The following TBC1D5 variants were observed in gnomAD, a reference collection of about 807,000 sequenced individuals.
TBC1D5 encodes the protein TBC1 domain family member 5, also known as TBC1 domain family, member 5.
In TBC1D5, 75 loss-of-function variants were observed where a neutral mutation model predicts 100.3. The ratio of observed to expected loss-of-function variants is 0.75; its 90% confidence interval spans 0.62 to 0.91. TBC1D5 has a LOEUF of 0.91. Among genes scored for constraint, TBC1D5 ranks in the 40% least tolerant of loss-of-function variants. The pLI, the probability that TBC1D5 is intolerant of heterozygous loss-of-function variation, is 0.00. For synonymous variants in TBC1D5, 323 were observed against 325.6 expected, an observed-to-expected ratio of 0.99 and a Z score of 0.09; for missense variants, 910 against 942.4, an observed-to-expected ratio of 0.97 and a Z score of 0.45.
intron 13 of TBC1D5, among the ~76,000 whole-genome samples, chr3:17,343,101 G>A (rs1319895866): frequency 6.6e-6 from 1 of 152,024 alleles, no homozygotes; most frequent in Non-Finnish European, 1.5e-5. Context: ...TTGGCTGTGG[G>A]TTTGTCATAG....
intron 13 of TBC1D5, among the ~76,000 whole-genome samples, chr3:17,343,451 G>A (rs913872597): frequency 6.7e-5 from 10 of 149,156 alleles, no homozygotes; most frequent in Non-Finnish European, 1.2e-4. Flanking sequence ...GTCTCTGCCC[G>A]GCTTTGGTAT....
intron 2 of TBC1D5, among the ~76,000 whole-genome samples, chr3:17,551,054 G>C (rs1411008179): frequency 6.6e-6 from 1 of 150,952 alleles, no homozygotes; most frequent in African/African-American, 2.4e-5. Flanking sequence ...AAATAGCTCT[G>C]TGTGTGTGTG....
rs2096316387 is a variant in TBC1D5 at position 17,538,975 on chromosome 3, A to G, written c.-35-30370T>C. Among the ~76,000 whole-genome samples, 3 of 152,300 alleles carry G rather than the reference A, an allele frequency of 2.0e-5. No homozygotes were observed. The South Asian group carries it at 6.2e-4, about 32-fold the overall frequency. On this transcript the variant is annotated intron_variant, in intron 2 of 21. Coordinates refer to ENST00000253692, the Ensembl canonical transcript of TBC1D5. ...GGCAGGTGGAACACTCGAGATCATA[A>G]GTTCAAGACCAGCCTGGCCAACATG...
intron 18 of TBC1D5, among the ~76,000 whole-genome samples, chr3:17,208,513 A>G (rs2072535224): frequency 6.6e-6 from 1 of 152,346 alleles, no homozygotes; most frequent in African/African-American, 2.4e-5. Context: ...ACACTATTTA[A>G]TAAAATAATA....
intron 1 of TBC1D5, among the ~76,000 whole-genome samples, chr3:17,669,287 G>A (rs1359564125): frequency 2.0e-5 from 3 of 152,138 alleles, no homozygotes; most frequent in African/African-American, 4.8e-5. Context: ...GGAACTAGGA[G>A]TAAATTAAAC....
At chr3:17,296,080 A>G (rs2082225605) in intron 14 of TBC1D5, among the ~76,000 whole-genome samples, 1 of 152,230 alleles carries the variant, frequency 6.6e-6, no homozygotes, top group African/African-American at 2.4e-5. Context: ...GTATCGGTAC[A>G]AACTGAAAAA....
chr3:17,658,867 T>A (rs1311389576), intron 1 of TBC1D5, among the ~76,000 whole-genome samples: 1 of 152,194 alleles, frequency 6.6e-6, no homozygotes, highest in Admixed American at 6.5e-5. Flanking sequence ...TTTTGCCATG[T>A]TGGCCAGGCT....
At chr3:17,412,662 C>T (rs1265691131) in intron 4 of TBC1D5, among the ~76,000 whole-genome samples, 9 of 152,074 alleles carry the variant, frequency 5.9e-5, no homozygotes, top group East Asian at 1.9e-4. Flanking sequence ...ATAATGCCAT[C>T]GAAATGCTTT....
intron 1 of TBC1D5, among the ~76,000 whole-genome samples, chr3:17,713,088 G>A (rs1415864223): frequency 1.3e-5 from 2 of 152,038 alleles, no homozygotes; most frequent in Non-Finnish European, 2.9e-5. Context: ...GTTCTTTTCT[G>A]ACCTGTCAGT....
chr3:17,264,465 G>T (rs1415687844), intron 15 of TBC1D5, among the ~76,000 whole-genome samples: 1 of 152,208 alleles, frequency 6.6e-6, no homozygotes, highest in Non-Finnish European at 1.5e-5. Context: ...TGGCAGAACT[G>T]AAAAGAGCAA....
At chr3:17,494,581 G>C (rs912982178) in intron 3 of TBC1D5, among the ~76,000 whole-genome samples, 1 of 152,242 alleles carries the variant, frequency 6.6e-6, no homozygotes, top group Non-Finnish European at 1.5e-5. Context: ...AGGGAGATCA[G>C]AGTTCTGTCT....
At chr3:17,454,275 A>G (rs115961735) in intron 3 of TBC1D5, among the ~76,000 whole-genome samples, 3,440 of 152,262 alleles carry the variant, frequency 0.023, 121 homozygotes, top group African/African-American at 0.077. Flanking sequence ...AGCTTGGACA[A>G]TCAGATGAGA....
rs1373214542 is a variant in TBC1D5, at chr3:17,617,849, C to G, written c.-36+6000G>C. On this transcript the variant is annotated intron_variant, in intron 2 of 21. Coordinates refer to ENST00000253692, the Ensembl canonical transcript of TBC1D5. ...CCTTGCGATGTGTTAGAGCATGGCT[C>G]CTTTAGCTCAAAGAAGTTTGTTATT... Among the ~76,000 whole-genome samples, 4 of 152,172 alleles carry G rather than the reference C, an allele frequency of 2.6e-5. No individual in the cohort carries two copies. In the South Asian group the frequency reaches 8.3e-4, roughly 32 times the overall value.
At chr3:17,662,557 T>A (rs910815081) in intron 1 of TBC1D5, among the ~76,000 whole-genome samples, 6 of 152,188 alleles carry the variant, frequency 3.9e-5, no homozygotes, top group African/African-American at 1.4e-4. Context: ...GTCCCGAATG[T>A]GAAGGCTGAA....
intron 13 of TBC1D5, among the ~76,000 whole-genome samples, chr3:17,311,183 A>C (rs2083990513): frequency 6.6e-6 from 1 of 152,054 alleles, no homozygotes; most frequent in Non-Finnish European, 1.5e-5. Context: ...GTGAGAGTTT[A>C]AGTTACACTT....
At chr3:17,709,763 T>C (rs1191388401) in intron 1 of TBC1D5, among the ~76,000 whole-genome samples, 1 of 152,094 alleles carries the variant, frequency 6.6e-6, no homozygotes, top group African/African-American at 2.4e-5. Context: ...CCTGTACAAA[T>C]TGCTGCAAAA....
At chr3:17,316,183 T>C (rs2084676037) in intron 13 of TBC1D5, among the ~76,000 whole-genome samples, 1 of 152,192 alleles carries the variant, frequency 6.6e-6, no homozygotes, top group Admixed American at 6.5e-5. Context: ...TCTCAGCCTA[T>C]GCCTGTCCCC....
chr3:17,464,338 G>A (rs113670813), intron 3 of TBC1D5, among the ~76,000 whole-genome samples: 12 of 152,136 alleles, frequency 7.9e-5, no homozygotes, highest in East Asian at 1.9e-4. Context: ...GCCACCACAC[G>A]CTTAAAGCTC....
intron 1 of TBC1D5, among the ~76,000 whole-genome samples, chr3:17,646,574 G>C (rs1174279710): frequency 6.6e-6 from 1 of 151,838 alleles, no homozygotes; most frequent in Non-Finnish European, 1.5e-5. Context: ...TTAATCTGTC[G>C]ATCTTTCCAT....
Sources: gnomAD v4.1 joint callset for allele counts (sites outside exome capture counted in the v4.1 genomes callset) on GRCh38, gnomAD v4.1.1 for gene constraint, MANE v1.5 for transcripts, NCBI Gene and HGNC (gene_info 2026-07-23, HGNC 2026-07-21) for gene names.